SH3PXD2A: variants seen among roughly 807,000 people sequenced by gnomAD.
SH3PXD2A encodes the protein SH3 and PX domain-containing protein 2A.
A neutral mutation model predicts 115.2 loss-of-function variants in SH3PXD2A; 32 were observed. The ratio of observed to expected loss-of-function variants is 0.28; its 90% CI spans 0.21 to 0.37. SH3PXD2A has a LOEUF of 0.37. Ranked by LOEUF, SH3PXD2A falls within the 10% of genes least tolerant of loss-of-function variation. SH3PXD2A has a pLI of 1.00. For synonymous variants in SH3PXD2A, 610 were observed against 629.1 expected, an observed-to-expected ratio of 0.97 and a Z score of 0.45; for missense variants, 1,328 against 1,498.7, an observed-to-expected ratio of 0.89 and a Z score of 1.88.
At chr10:103,792,496 T>G (rs1415980382) in intron 2 of SH3PXD2A, among the ~76,000 whole-genome samples, 1 of 152,234 alleles carries the variant, frequency 6.6e-6, no homozygotes, top group Non-Finnish European at 1.5e-5. Context: ...GGCGTCTCTG[T>G]GCCAGTCCTA....
chr10:103,853,571 G>A (rs12570462), intron 1 of SH3PXD2A, among the ~76,000 whole-genome samples: 35,531 of 152,140 alleles, frequency 0.23, 4,293 homozygotes, highest in Admixed American at 0.24. Flanking sequence ...ACCCCAGCAC[G>A]CAATCTTGCC....
intron 1 of SH3PXD2A, among the ~76,000 whole-genome samples, chr10:103,822,768 A>C (rs767980052): frequency 3.9e-4 from 59 of 152,230 alleles, no homozygotes; most frequent in Non-Finnish European, 7.2e-4. Flanking sequence ...TGAACCACCC[A>C]AAAAAATTTT....
chr10:103,769,732 A>C (rs900003629), intron 2 of SH3PXD2A, among the ~76,000 whole-genome samples: 1 of 152,108 alleles, frequency 6.6e-6, no homozygotes, highest in African/African-American at 2.4e-5. Context: ...GCGCCTGGCC[A>C]CGTGAGTTCT....
intron 1 of SH3PXD2A, among the ~76,000 whole-genome samples, chr10:103,852,585 C>T (rs891003681): frequency 6.6e-6 from 1 of 152,182 alleles, no homozygotes; most frequent in Non-Finnish European, 1.5e-5. Flanking sequence ...GCAATGGGTG[C>T]AGCACGTCCT....
Position 103,598,253 on chromosome 10 carries a change from G to A in SH3PXD2A, c.*3563C>T, listed in dbSNP as rs867596332. On this transcript the variant is annotated 3_prime_UTR_variant, in exon 15 of 15. Transcript: ENST00000369774. The stretch of plus-strand genomic sequence containing the variant: ...CATTGGACATAGGGGAAACCCACAG[G>A]GCATGGGGCACACCTGCTGCTCAGG... 8 of 152,764 alleles carry A rather than the reference G, an allele frequency of 5.2e-5. No homozygotes were observed. The highest frequency in any genetic ancestry group is 3.4e-3 in the Middle Eastern group (1 of 294). 9.5% of individuals were successfully genotyped at this position (152,764 alleles called of 1,614,324 possible). A position where few individuals can be genotyped will look rare whatever the true frequency, so the allele number is the denominator to read the frequency against.
In SH3PXD2A at chr10:103,603,308, C is replaced by T; in HGVS notation, c.1910G>A (p.Gly637Asp). The change falls in exon 15 of 15, where the codon GGC (glycine) becomes GAC (aspartate). Residue 637 changes from glycine to aspartate, a missense_variant. Gly to Asp is a moderately conservative substitution (Grantham distance 94). Transcript: ENST00000369774. Reference sequence around the variant, plus strand: ...TGGGGAGTCGCTGTCCCCGGAGGAGCCTCTGGCTGACAGGGTGTCCTCTGC... The same window carrying T: ...TGGGGAGTCGCTGTCCCCGGAGGAGTCTCTGGCTGACAGGGTGTCCTCTGC... ...PYAEDTLSAR[G>D]SSGDSDSPGS... 6.2e-7 allele frequency: 1 copy of T among 1,614,100 alleles called. No individual in the cohort carries two copies.
intron 1 of SH3PXD2A, among the ~76,000 whole-genome samples, chr10:103,839,663 G>A (rs1214030386): frequency 1.3e-5 from 2 of 150,962 alleles, no homozygotes; most frequent in East Asian, 3.9e-4. Context: ...TGAGTGGCAA[G>A]GCTGGGATTC....
At chr10:103,762,582 C>T (rs4918047) in intron 3 of SH3PXD2A, among the ~76,000 whole-genome samples, 15,267 of 152,180 alleles carry the variant, frequency 0.1, 811 homozygotes, top group South Asian at 0.14. Context: ...GACCATGAAA[C>T]GTCTGGGTTT....
At chr10:103,640,337 A>G (rs912523475) in intron 8 of SH3PXD2A, among the ~76,000 whole-genome samples, 2 of 151,566 alleles carry the variant, frequency 1.3e-5, no homozygotes, top group African/African-American at 4.8e-5. Context: ...AAAAAAAAAG[A>G]AAGAGCTAAG....
At chr10:103,797,588 T>C (rs1037928742) in intron 2 of SH3PXD2A, among the ~76,000 whole-genome samples, 1 of 151,878 alleles carries the variant, frequency 6.6e-6, no homozygotes. Context: ...TCAGGGCTGG[T>C]GTGTGCCTGA....
intron 1 of SH3PXD2A, among the ~76,000 whole-genome samples, chr10:103,805,836 C>T (rs957077826): frequency 3.3e-5 from 5 of 152,248 alleles, no homozygotes; most frequent in Admixed American, 1.3e-4. Flanking sequence ...CTGGCCTGGA[C>T]AACATAGTGA....
intron 13 of SH3PXD2A, chr10:103,609,820 G>A (rs1016468795): frequency 1.3e-5 from 2 of 152,240 alleles, no homozygotes; most frequent in African/African-American, 2.4e-5. Context: ...AAGAAGCTTG[G>A]TGTAGCAGGA....
chr10:103,677,276 C>G (rs1231574983), intron 6 of SH3PXD2A, among the ~76,000 whole-genome samples: 1 of 152,234 alleles, frequency 6.6e-6, no homozygotes, highest in Admixed American at 6.5e-5. Flanking sequence ...TGTCTCAAAG[C>G]ATCAGACACA....
intron 2 of SH3PXD2A, among the ~76,000 whole-genome samples, chr10:103,775,544 C>T (rs936864863): frequency 6.6e-6 from 1 of 152,124 alleles, no homozygotes; most frequent in Non-Finnish European, 1.5e-5. Context: ...GGAAGGCCTT[C>T]CAGGGGGAGG....
chr10:103,702,963 G>A (rs370359744), intron 5 of SH3PXD2A, among the ~76,000 whole-genome samples: 2 of 152,168 alleles, frequency 1.3e-5, no homozygotes, highest in Non-Finnish European at 2.9e-5. Flanking sequence ...TGTGACACAC[G>A]GGCAGATACC....
chr10:103,596,783 C>CTAAA lies in SH3PXD2A; in HGVS notation c.*5029_*5032dup, dbSNP rs924534191. The CTAAA allele has an allele frequency of 6.6e-6, 1 of 152,474 alleles. No individual in the cohort carries two copies. The highest frequency in any genetic ancestry group is 6.6e-5 in the Admixed American group (1 of 15,254). 9.4% of individuals were successfully genotyped at this position (152,474 alleles called of 1,614,324 possible). On this transcript the variant is annotated 3_prime_UTR_variant, in exon 15 of 15. Coordinates refer to ENST00000369774, the MANE Select transcript of SH3PXD2A (RefSeq NM_001394015.1). ...AGCTCTGCTTTGAGATTCTCAAAGA[C>CTAAA]TAAATATCTAGATGGATATACGCCA...
intron 3 of SH3PXD2A, among the ~76,000 whole-genome samples, 195 bp downstream of exon 3, chr10:103,766,899 T>G (rs960187393): frequency 1.3e-5 from 2 of 152,220 alleles, no homozygotes; most frequent in African/African-American, 4.8e-5. Flanking sequence ...GGTCTTGTAA[T>G]GGTGAGAGAA....
chr10:103,787,323 A>G (rs2038989864), intron 2 of SH3PXD2A, among the ~76,000 whole-genome samples: 1 of 152,268 alleles, frequency 6.6e-6, no homozygotes, highest in African/African-American at 2.4e-5. Flanking sequence ...AGACTCAGGC[A>G]GCAGCAGACT....
At position 103,769,449 on chromosome 10, in the gene SH3PXD2A, C is replaced by CTT. The variant is rs33915699; in HGVS notation, c.154-2282_154-2281dup. On this transcript the variant is annotated intron_variant, in intron 2 of 14. Transcript: ENST00000369774. The stretch of plus-strand genomic sequence containing the variant: ...TTTCTTTTTCTTTCTTCTTCTTCTT[C>CTT]TTTTTTTTTTTTTTTTTGAGACAGA... 1.7e-3 allele frequency among the ~76,000 whole-genome samples: 234 copies of CTT among 137,460 alleles called. 3 individuals carry two copies. Among genetic ancestry groups the CTT allele is most frequent in the African/African-American group, 5.7e-3 (211 of 36,878 alleles). 90.2% of individuals were successfully genotyped at this position (137,460 alleles called of 152,430 possible).
Sources: gnomAD v4.1 joint callset for allele counts (sites outside exome capture counted in the v4.1 genomes callset) on GRCh38, gnomAD v4.1.1 for gene constraint, MANE v1.5 for transcripts, NCBI Gene and HGNC (gene_info 2026-07-23, HGNC 2026-07-21) for gene names.